The following KCNN2 variants were observed in gnomAD, a reference collection of about 807,000 sequenced individuals.
KCNN2 encodes the protein potassium calcium-activated channel subfamily N member 2.
KCNN2 carries 24 observed loss-of-function variants against 55.5 expected under a neutral mutation model. That is an observed-to-expected ratio of 0.43 (90% confidence interval 0.31 to 0.61). KCNN2 has a LOEUF of 0.61. Among genes scored for constraint, KCNN2 ranks in the 20% least tolerant of loss-of-function variants. The pLI is 0.08. For synonymous variants in KCNN2, 431 were observed against 336.1 expected, an observed-to-expected ratio of 1.28 and a Z score of -3.09; for missense variants, 754 against 853.6, an observed-to-expected ratio of 0.88 and a Z score of 1.45.
At chr5:114,162,291 T>A (rs1016161225) in intron 1 of KCNN2, among the ~76,000 whole-genome samples, 6 of 152,196 alleles carry the variant, frequency 3.9e-5, no homozygotes, top group Admixed American at 2.0e-4. Context: ...TGCATGGGTA[T>A]CAGCAGTGGT....
intron 2 of KCNN2, among the ~76,000 whole-genome samples, chr5:114,342,831 A>G (rs1002487994): frequency 3.9e-5 from 6 of 152,170 alleles, no homozygotes; most frequent in Admixed American, 1.3e-4. Flanking sequence ...ATAAATGACC[A>G]CTTGCCCTGA....
chr5:114,335,407 C>T (rs985150252), intron 2 of KCNN2, among the ~76,000 whole-genome samples: 1 of 152,164 alleles, frequency 6.6e-6, no homozygotes, highest in East Asian at 1.9e-4. Context: ...AATACTTACT[C>T]CTTTGCAGAG....
chr5:114,225,369 A>G (rs1754220215), intron 2 of KCNN2, among the ~76,000 whole-genome samples: 2 of 152,212 alleles, frequency 1.3e-5, no homozygotes, highest in Admixed American at 1.3e-4. Context: ...AAGCATCAAG[A>G]AGGTGCAGTG....
chr5:114,331,781 C>T (rs1364641140), intron 2 of KCNN2, among the ~76,000 whole-genome samples: 1 of 152,100 alleles, frequency 6.6e-6, no homozygotes, highest in African/African-American at 2.4e-5. Flanking sequence ...GACCAATTTT[C>T]TTCAAAAATA....
chr5:114,399,198 T>A (rs902474104), intron 2 of KCNN2, among the ~76,000 whole-genome samples: 1 of 152,204 alleles, frequency 6.6e-6, no homozygotes, highest in African/African-American at 2.4e-5. Flanking sequence ...ATTGCTCTTA[T>A]TATTTTAAAG....
At chr5:114,281,181 T>C (rs1580689884) in intron 2 of KCNN2, among the ~76,000 whole-genome samples, 2 of 152,200 alleles carry the variant, frequency 1.3e-5, no homozygotes, top group Non-Finnish European at 2.9e-5. Flanking sequence ...TATTGTATAA[T>C]GCATTTATTT....
intron 2 of KCNN2, among the ~76,000 whole-genome samples, chr5:114,289,859 C>G (rs1260624680): frequency 6.6e-6 from 1 of 152,150 alleles, no homozygotes; most frequent in Non-Finnish European, 1.5e-5. Context: ...CTACAATTTT[C>G]AGTGTACAAG....
chr5:114,235,592 C>T (rs1343577005), intron 2 of KCNN2, among the ~76,000 whole-genome samples: 1 of 152,062 alleles, frequency 6.6e-6, no homozygotes, highest in Admixed American at 6.6e-5. Flanking sequence ...TTTATATTAC[C>T]AACGTGTATA....
chr5:114,299,681 T>G (rs3101076), intron 2 of KCNN2, among the ~76,000 whole-genome samples: 149,477 of 152,238 alleles, frequency 0.98, 73,442 homozygotes, highest in Non-Finnish European at 1. Flanking sequence ...AACCACTGCT[T>G]ATAGCTCTAG....
At chr5:114,308,979 T>C (rs548677124) in intron 2 of KCNN2, among the ~76,000 whole-genome samples, 1 of 152,350 alleles carries the variant, frequency 6.6e-6, no homozygotes, top group East Asian at 1.9e-4. Context: ...TGTACAGCTT[T>C]ATTTACTCCG....
At chr5:114,137,547 A>C (rs1752198851) in intron 1 of KCNN2, among the ~76,000 whole-genome samples, 3 of 150,446 alleles carry the variant, frequency 2.0e-5, no homozygotes, top group Non-Finnish European at 3.0e-5. Flanking sequence ...ATTAAATAAT[A>C]AAGTACTTCG....
intron 1 of KCNN2, among the ~76,000 whole-genome samples, chr5:114,160,695 G>C (rs564359866): frequency 6.6e-6 from 1 of 152,030 alleles, no homozygotes; most frequent in Non-Finnish European, 1.5e-5. Flanking sequence ...CTCCTGTATT[G>C]GGTGCATATA....
chr5:114,171,892 G>A (rs1309549522), intron 1 of KCNN2, among the ~76,000 whole-genome samples: 1 of 151,866 alleles, frequency 6.6e-6, no homozygotes, highest in Non-Finnish European at 1.5e-5. Context: ...ACTAAATTGT[G>A]TGTGTGAGGA....
chr5:114,412,977 G>A (rs1035230376), intron 3 of KCNN2, among the ~76,000 whole-genome samples: 2 of 152,162 alleles, frequency 1.3e-5, no homozygotes, highest in African/African-American at 4.8e-5. Context: ...ATTTGTGGTT[G>A]ATGGCAATGT....
chr5:114,434,301 G>C (rs1759924994), intron 3 of KCNN2, among the ~76,000 whole-genome samples: 1 of 151,640 alleles, frequency 6.6e-6, no homozygotes, highest in African/African-American at 2.4e-5. Flanking sequence ...TTTTGATAGT[G>C]TTTTGATCTC....
chr5:114,129,015 G>A (rs1307703088), intron 1 of KCNN2, among the ~76,000 whole-genome samples: 1 of 152,126 alleles, frequency 6.6e-6, no homozygotes, highest in Non-Finnish European at 1.5e-5. Context: ...ATTATAGGAG[G>A]ATTTAATAAA....
At chr5:114,329,360 G>A (rs1371269527) in intron 2 of KCNN2, among the ~76,000 whole-genome samples, 1 of 152,202 alleles carries the variant, frequency 6.6e-6, no homozygotes, top group Non-Finnish European at 1.5e-5. Context: ...CCCTCAATCT[G>A]TGTGGGCATC....
intron 6 of KCNN2, among the ~76,000 whole-genome samples, chr5:114,489,492 T>A (rs1747745412): frequency 6.6e-6 from 1 of 152,132 alleles, no homozygotes; most frequent in African/African-American, 2.4e-5. Flanking sequence ...AGATATTTCT[T>A]ATTCTGTTTC....
At chr5:114,351,990 G>T (rs1161964526) in intron 2 of KCNN2, among the ~76,000 whole-genome samples, 1 of 151,596 alleles carries the variant, frequency 6.6e-6, no homozygotes, top group Non-Finnish European at 1.5e-5. Context: ...TTTGGGAAAG[G>T]TTTGTGAAAA....
Sources: allele counts gnomAD v4.1 joint callset (sites outside exome capture counted in the v4.1 genomes callset), GRCh38; gene constraint gnomAD v4.1.1; transcripts MANE v1.5; gene names NCBI Gene and HGNC (gene_info 2026-07-23, HGNC 2026-07-21).